Variants in CDK19 observed in about 807,000 individuals in gnomAD.
The protein encoded by CDK19 is cyclin-dependent kinase 19.
CDK19 carries 20 observed loss-of-function variants against 68.3 expected under a neutral mutation model. The ratio of observed to expected loss-of-function variants is 0.29; its 90% CI spans 0.21 to 0.43. The LOEUF is 0.43. Ranked by LOEUF, CDK19 falls within the 20% of genes least tolerant of loss-of-function variation. The probability of loss-of-function intolerance (pLI) is 1.00; values close to 1 mark genes in which losing one functional copy is unlikely to be tolerated. For synonymous variants in CDK19, 221 were observed against 222.8 expected, an observed-to-expected ratio of 0.99 and a Z score of 0.07; for missense variants, 339 against 623.5, an observed-to-expected ratio of 0.54 and a Z score of 4.86.
At chr6:110,782,557 T>C (rs1001467418) in intron 1 of CDK19, among the ~76,000 whole-genome samples, 6 of 152,186 alleles carry the variant, frequency 3.9e-5, no homozygotes, top group African/African-American at 1.4e-4. Flanking sequence ...TCTGTAAAAC[T>C]ATACAGCAAA....
intron 2 of CDK19, among the ~76,000 whole-genome samples, chr6:110,714,922 C>T (rs189327459): frequency 2.7e-4 from 41 of 151,698 alleles, no homozygotes; most frequent in African/African-American, 7.3e-4. Flanking sequence ...TTAGTAGAAA[C>T]GGGATTTCAC....
chr6:110,724,187 C>T (rs913575725), intron 2 of CDK19, among the ~76,000 whole-genome samples: 8 of 151,964 alleles, frequency 5.3e-5, no homozygotes, highest in Non-Finnish European at 1.0e-4. Context: ...AACCCTGTCT[C>T]TACTAAAAAT....
At chr6:110,764,864 T>C (rs967035195) in intron 1 of CDK19, among the ~76,000 whole-genome samples, 5 of 151,628 alleles carry the variant, frequency 3.3e-5, no homozygotes, top group African/African-American at 1.2e-4. Flanking sequence ...GGGAGGAGAA[T>C]TGCTTGAACT....
intron 1 of CDK19, among the ~76,000 whole-genome samples, chr6:110,780,554 C>T (rs1262439006): frequency 6.6e-6 from 1 of 151,758 alleles, no homozygotes; most frequent in East Asian, 1.9e-4. Flanking sequence ...ATTTTTCTTC[C>T]AAAACAAACC....
chr6:110,782,531 G>A (rs1488669328), intron 1 of CDK19, among the ~76,000 whole-genome samples: 1 of 152,124 alleles, frequency 6.6e-6, no homozygotes, highest in Non-Finnish European at 1.5e-5. Flanking sequence ...CTGCAAAACT[G>A]ATCACAAAAT....
At chr6:110,687,915 T>C (rs1341900773) in intron 2 of CDK19, among the ~76,000 whole-genome samples, 2 of 152,216 alleles carry the variant, frequency 1.3e-5, no homozygotes, top group African/African-American at 4.8e-5. Context: ...TAAGCTTTGA[T>C]ATTTACTGTC....
intron 1 of CDK19, among the ~76,000 whole-genome samples, chr6:110,797,984 C>CAAAAAAAA (rs56710819): frequency 8.0e-5 from 7 of 87,242 alleles, no homozygotes; most frequent in African/African-American, 1.3e-4. Flanking sequence ...GACTCCGTCT[C>CAAAAAAAA]AAAAAAAAAA....
intron 2 of CDK19, among the ~76,000 whole-genome samples, chr6:110,727,762 C>G (rs1305085666): frequency 6.6e-6 from 1 of 151,070 alleles, no homozygotes; most frequent in Non-Finnish European, 1.5e-5. Flanking sequence ...TGCTTGAGCC[C>G]GGAAGTTTGA....
intron 1 of CDK19, among the ~76,000 whole-genome samples, chr6:110,792,355 A>G (rs777010048): frequency 2.8e-4 from 43 of 152,078 alleles, no homozygotes; most frequent in Non-Finnish European, 5.3e-4. Context: ...AAAGTAAAAG[A>G]GCCCATCATC....
At chr6:110,733,348 T>C (rs1290180326) in intron 2 of CDK19, among the ~76,000 whole-genome samples, 1 of 152,234 alleles carries the variant, frequency 6.6e-6, no homozygotes, top group Non-Finnish European at 1.5e-5. Flanking sequence ...TCCACTCTCC[T>C]ATGGCTGAAC....
At chr6:110,743,408 G>T (rs758970390) in intron 2 of CDK19, among the ~76,000 whole-genome samples, 21 of 152,152 alleles carry the variant, frequency 1.4e-4, no homozygotes, top group Non-Finnish European at 2.6e-4. Flanking sequence ...TTGGGAGGTT[G>T]TGGCGGGTGG....
intron 4 of CDK19, among the ~76,000 whole-genome samples, chr6:110,651,453 C>A (rs1780967995): frequency 6.6e-6 from 1 of 152,032 alleles, no homozygotes; most frequent in African/African-American, 2.4e-5. Context: ...AAAAAATAGG[C>A]CGGGCACGAT....
At chr6:110,765,051 T>C (rs938162863) in intron 1 of CDK19, among the ~76,000 whole-genome samples, 6 of 143,740 alleles carry the variant, frequency 4.2e-5, no homozygotes, top group Non-Finnish European at 7.6e-5. Flanking sequence ...ACACAATTCA[T>C]TTTTTTTTTT....
chr6:110,718,907 G>A lies in CDK19; in HGVS notation c.204+27219C>T, dbSNP rs902508254. Among the ~76,000 whole-genome samples, 7 of 152,182 alleles carry A rather than the reference G, an allele frequency of 4.6e-5. No homozygotes were observed. In the South Asian group the frequency reaches 1.5e-3, roughly 32 times the overall value. Reference sequence around the variant, plus strand: ...GTGTGGAGCAGTTAAGTGAAAACAAGGTAGAGCTAAAATAATAGAAAGAAA... The same window carrying A: ...GTGTGGAGCAGTTAAGTGAAAACAAAGTAGAGCTAAAATAATAGAAAGAAA... On this transcript the variant is annotated intron_variant, in intron 2 of 12. Transcript: ENST00000368911.
intron 1 of CDK19, among the ~76,000 whole-genome samples, chr6:110,797,093 C>T (rs1317921911): frequency 6.6e-6 from 1 of 150,964 alleles, no homozygotes; most frequent in African/African-American, 2.4e-5. Context: ...TGTAATCTCA[C>T]CACTTTGGGA....
Position 110,723,764 on chromosome 6 carries a change from C to T in CDK19, c.204+22362G>A, listed in dbSNP as rs543015572. On this transcript the variant is annotated intron_variant, in intron 2 of 12. Coordinates refer to ENST00000368911, the MANE Select transcript of CDK19 (RefSeq NM_015076.5). ...AATTATATGAACAAAGCCATGCCCA[C>T]AGGCTTAAATGCTAGCTAGCTAAAT... Among the ~76,000 whole-genome samples, 6 of 152,284 alleles carry T rather than the reference C, an allele frequency of 3.9e-5. No individual in the cohort carries two copies. The South Asian group carries it at 1.0e-3, about 26-fold the overall frequency.
At chr6:110,786,136 G>A (rs886778296) in intron 1 of CDK19, among the ~76,000 whole-genome samples, 1 of 152,158 alleles carries the variant, frequency 6.6e-6, no homozygotes, top group African/African-American at 2.4e-5. Flanking sequence ...AGGAGATGTT[G>A]TAAAAGAAGT....
intron 2 of CDK19, among the ~76,000 whole-genome samples, chr6:110,701,838 T>C (rs1351197683): frequency 1.3e-5 from 2 of 151,842 alleles, no homozygotes; most frequent in African/African-American, 4.8e-5. Flanking sequence ...TAAAAAAGAA[T>C]GCAATAAGAG....
chr6:110,755,003 G>A (rs1778739643), intron 1 of CDK19, among the ~76,000 whole-genome samples: 1 of 148,828 alleles, frequency 6.7e-6, no homozygotes, highest in Non-Finnish European at 1.5e-5. Context: ...TTTTTGAGAT[G>A]GAATTTCAGA....
Sources: allele counts gnomAD v4.1 joint callset (sites outside exome capture counted in the v4.1 genomes callset), GRCh38; gene constraint gnomAD v4.1.1; transcripts MANE v1.5; gene names NCBI Gene and HGNC (gene_info 2026-07-23, HGNC 2026-07-21).